Variants in CNTNAP2 observed in about 807,000 individuals in gnomAD.
CNTNAP2 encodes contactin associated protein 2.
In CNTNAP2, 98 loss-of-function variants were observed where a neutral mutation model predicts 155.2. The ratio of observed to expected loss-of-function variants is 0.63; its 90% CI spans 0.54 to 0.75. The LOEUF (loss-of-function observed/expected upper bound fraction) is 0.75. Among genes scored for constraint, CNTNAP2 ranks in the 30% least tolerant of loss-of-function variants. The pLI is 0.00. For synonymous variants in CNTNAP2, 651 were observed against 631.2 expected, an observed-to-expected ratio of 1.03 and a Z score of -0.47; for missense variants, 1,727 against 1,688.1, an observed-to-expected ratio of 1.02 and a Z score of -0.40.
intron 22 of CNTNAP2, among the ~76,000 whole-genome samples, chr7:148,408,049 A>C (rs1325278594): frequency 6.6e-6 from 1 of 152,210 alleles, no homozygotes; most frequent in Non-Finnish European, 1.5e-5. Context: ...GTTTGAGACC[A>C]GGCTGGCTAA....
chr7:147,629,406 A>AAATAAT (rs56977512), intron 12 of CNTNAP2, among the ~76,000 whole-genome samples: 2,376 of 140,918 alleles, frequency 0.017, 42 homozygotes, highest in African/African-American at 0.04. Context: ...TCTGTCTCAA[A>AAATAAT]AATAATAATA....
At chr7:147,829,274 T>A (rs1331166351) in intron 13 of CNTNAP2, among the ~76,000 whole-genome samples, 3 of 152,172 alleles carry the variant, frequency 2.0e-5, no homozygotes, top group Non-Finnish European at 2.9e-5. Flanking sequence ...AGAATCACTC[T>A]GGCAAAATCA....
At chr7:148,161,684 T>C (rs1805545356) in intron 17 of CNTNAP2, among the ~76,000 whole-genome samples, 1 of 152,168 alleles carries the variant, frequency 6.6e-6, no homozygotes, top group Non-Finnish European at 1.5e-5. Flanking sequence ...CCTCCACTAA[T>C]AAGCATCTTA....
chr7:148,266,839 A>AT (rs1445463510), intron 20 of CNTNAP2, among the ~76,000 whole-genome samples, 194 bp from the exon 21 acceptor site: 7 of 152,054 alleles, frequency 4.6e-5, no homozygotes, highest in Admixed American at 1.3e-4. Context: ...CCATCCTCAG[A>AT]TTTTTTCAAA....
intron 1 of CNTNAP2, among the ~76,000 whole-genome samples, chr7:146,133,710 G>T (rs568206145): frequency 6.6e-6 from 1 of 152,294 alleles, no homozygotes; most frequent in South Asian, 2.1e-4. Flanking sequence ...GTTTGTCAAA[G>T]GTCAGATAGT....
intron 8 of CNTNAP2, among the ~76,000 whole-genome samples, chr7:147,201,933 G>A (rs190993254): frequency 5.1e-4 from 78 of 152,170 alleles, no homozygotes; most frequent in Middle Eastern, 6.8e-3. Flanking sequence ...CCCCAGAAAT[G>A]CAAAAAGACA....
At chr7:146,153,973 A>G (rs1282227802) in intron 1 of CNTNAP2, among the ~76,000 whole-genome samples, 9 of 152,038 alleles carry the variant, frequency 5.9e-5, no homozygotes, top group Admixed American at 1.3e-4. Context: ...TGTTTTTTAA[A>G]TACATTCATA....
chr7:146,648,299 A>G (rs1326610563), intron 1 of CNTNAP2, among the ~76,000 whole-genome samples: 3 of 152,180 alleles, frequency 2.0e-5, no homozygotes, highest in Admixed American at 2.0e-4. Context: ...GTGAGAAAAC[A>G]TGAATATTTT....
intron 4 of CNTNAP2, among the ~76,000 whole-genome samples, chr7:147,070,131 C>T (rs754799011): frequency 6.6e-6 from 1 of 152,154 alleles, no homozygotes; most frequent in Non-Finnish European, 1.5e-5. Context: ...AATAGACTGG[C>T]TCAGTACTAT....
chr7:146,366,485 C>A (rs1018162337), intron 1 of CNTNAP2, among the ~76,000 whole-genome samples: 13 of 151,770 alleles, frequency 8.6e-5, no homozygotes, highest in African/African-American at 2.7e-4. Flanking sequence ...ACTCTTCAGA[C>A]AACAATCATA....
At chr7:146,482,206 G>GAAAAAAAAAAAA (rs749887909) in intron 1 of CNTNAP2, among the ~76,000 whole-genome samples, 4 of 82,124 alleles carry the variant, frequency 4.9e-5, no homozygotes, top group African/African-American at 1.9e-4. Context: ...CTAAGAATTA[G>GAAAAAAAAAAAA]AAAAAAAAAA....
chr7:147,601,636 T>TAAAA (rs370619019), intron 12 of CNTNAP2, among the ~76,000 whole-genome samples: 1,514 of 69,110 alleles, frequency 0.022, 27 homozygotes, highest in South Asian at 0.04. Flanking sequence ...CATTGACTCT[T>TAAAA]AAAAAAAAAT....
chr7:147,569,359 ACCTCCC>A (rs138526472), intron 12 of CNTNAP2, among the ~76,000 whole-genome samples: 5,758 of 151,466 alleles, frequency 0.038, 169 homozygotes, highest in African/African-American at 0.071. Flanking sequence ...ACCCACCTCC[ACCTCCC>A]CCTCCCCGTG....
At chr7:146,309,822 A>AGAAAG (rs1800787688) in intron 1 of CNTNAP2, among the ~76,000 whole-genome samples, 1 of 149,968 alleles carries the variant, frequency 6.7e-6, no homozygotes, top group South Asian at 2.1e-4. Context: ...AAAAGAAAGA[A>AGAAAG]GAAAGGAAAG....
chr7:146,970,596 CTT>C (rs1261827183), intron 3 of CNTNAP2, among the ~76,000 whole-genome samples: 5 of 151,940 alleles, frequency 3.3e-5, no homozygotes, highest in Admixed American at 2.6e-4. Flanking sequence ...AATAGGAACA[CTT>C]TTACACTGTT....
chr7:146,246,090 C>T (rs1184423370), intron 1 of CNTNAP2, among the ~76,000 whole-genome samples: 7 of 151,990 alleles, frequency 4.6e-5, no homozygotes, highest in African/African-American at 1.7e-4. Flanking sequence ...CAAGTGATAG[C>T]AGGCTTTAAT....
At chr7:146,680,789 G>A (rs1027204283) in intron 1 of CNTNAP2, among the ~76,000 whole-genome samples, 4 of 152,112 alleles carry the variant, frequency 2.6e-5, no homozygotes, top group South Asian at 2.1e-4. Context: ...ACATGGATCC[G>A]GGACATACTA....
chr7:146,589,801 T>G (rs1798754166), intron 1 of CNTNAP2, among the ~76,000 whole-genome samples: 1 of 151,974 alleles, frequency 6.6e-6, no homozygotes, highest in Admixed American at 6.6e-5. Flanking sequence ...TTATGTGTTA[T>G]TCAAGTGAGA....
intron 4 of CNTNAP2, among the ~76,000 whole-genome samples, chr7:147,098,984 G>A (rs1301218464): frequency 1.3e-5 from 2 of 152,102 alleles, no homozygotes; most frequent in Non-Finnish European, 2.9e-5. Context: ...CCCACAGGGT[G>A]TAGACCAGAG....
Sources: gnomAD v4.1 joint callset for allele counts (sites outside exome capture counted in the v4.1 genomes callset) on GRCh38, gnomAD v4.1.1 for gene constraint, MANE v1.5 for transcripts, NCBI Gene and HGNC (gene_info 2026-07-23, HGNC 2026-07-21) for gene names.